The following TMEM229A variants were observed in gnomAD, a reference collection of about 807,000 sequenced individuals.
TMEM229A encodes the protein transmembrane protein 229A.
Under a neutral mutation model 30.0 loss-of-function variants are expected in TMEM229A, and 23 were observed. The ratio of observed to expected loss-of-function variants is 0.77; its 90% CI spans 0.55 to 1.09. The LOEUF (loss-of-function observed/expected upper bound fraction) is 1.09. Ranked by LOEUF, TMEM229A falls within the 50% of genes least tolerant of loss-of-function variation. The pLI is 0.00. For synonymous variants in TMEM229A, 264 were observed against 241.5 expected (o/e 1.09, Z -0.86); for missense variants, 534 against 525.9 (o/e 1.02, Z -0.15).
rs1793149864 is a variant in TMEM229A at position 124,032,470 on chromosome 7, C to T, written c.534G>A (p.Leu178=). The T allele has an allele frequency of 6.5e-7, 1 of 1,549,324 alleles. No homozygotes were observed. Among genetic ancestry groups the T allele is most frequent in the Non-Finnish European group, 8.7e-7 (1 of 1,146,568 alleles). The change falls in exon 1 of 1, where the codon CTG becomes CTA. Residue 178 remains leucine, a synonymous_variant. Transcript: ENST00000455783. This position sits in a 1 kb window ranked among gnomAD's most constrained non-coding sequence, Gnocchi z 6.6. ...YHCQVFLKRF[L]RLRYGRQRRR... is the part of the protein sequence containing the mutation. ...GCCTCTGTCGCCCGTACCGCAAGCG[C>T]AGGAAGCGCTTCAGGAACACTTGGC...
Position 124,032,560 on chromosome 7 carries a change from C to T in TMEM229A, c.444G>A (p.Ala148=), listed in dbSNP as rs1793151227. 2.6e-6 allele frequency: 4 copies of T among 1,549,288 alleles called. No homozygotes were observed. The highest frequency in any genetic ancestry group is 2.0e-5 in the Admixed American group (1 of 50,882). The part of the protein sequence containing the change: ...QALLLSLGGG[A]GVAVAPGALD... ...GCGCCCCTGGCGCCACCGCGACCCC[C>T]GCCCCGCCGCCCAGGCTGAGTAGTA... The change falls in exon 1 of 1, where the codon GCG becomes GCA. Residue 148 remains alanine, a synonymous_variant. Transcript: ENST00000455783. The surrounding 1 kb of genome is among the most constrained non-coding windows in gnomAD (Gnocchi z 6.6).
Position 124,032,327 on chromosome 7 carries a change from C to T in TMEM229A, c.677G>A (p.Gly226Asp), listed in dbSNP as rs748748380. 6.5e-7 allele frequency: 1 copy of T among 1,545,536 alleles called. No individual in the cohort carries two copies. The highest frequency in any genetic ancestry group is 1.2e-5 in the South Asian group (1 of 83,718). Reference sequence around the variant, plus strand: ...GGGGGCTCCCCCGGCGCCCCTGGGGCCACGGGGTCGTCGCCGCCGGGCTCC... The same window carrying T: ...GGGGGCTCCCCCGGCGCCCCTGGGGTCACGGGGTCGTCGCCGCCGGGCTCC... ...AAGARRRRPR[G>D]PRGAGGAPSQ... The change falls in exon 1 of 1, where the codon GGC becomes GAC. Residue 226 changes from glycine (G) to aspartate (D), a missense_variant. Gly to Asp is a moderately conservative substitution (Grantham distance 94). Coordinates refer to ENST00000455783, the MANE Select transcript of TMEM229A (RefSeq NM_001136002.2). This position sits in a 1 kb window ranked among gnomAD's most constrained non-coding sequence, Gnocchi z 6.6.
chr7:124,031,206 A>C lies in TMEM229A; in HGVS notation c.*655T>G, dbSNP rs1289066958. On this transcript the variant is annotated 3_prime_UTR_variant, in exon 1 of 1. Transcript: ENST00000455783. The surrounding 1 kb of genome is among the most constrained non-coding windows in gnomAD (Gnocchi z 4.1). The stretch of plus-strand genomic sequence containing the variant: ...AGATCAAATATCTTAACACAGTGTC[A>C]CCTGTGTGAGTTGCTAGAAAAGACC... 2 of 152,210 alleles carry C rather than the reference A, an allele frequency of 1.3e-5. No individual in the cohort carries two copies. Among genetic ancestry groups the C allele is most frequent in the Non-Finnish European group, 2.9e-5 (2 of 68,044 alleles). The allele number at this position is 152,210 out of a possible 1,614,324, so 9.4% of individuals were successfully genotyped here.
In TMEM229A at chr7:124,031,886, C is replaced by T; in HGVS notation, c.1118G>A (p.Arg373Lys). Reference sequence around the variant, plus strand: ...TTAGTTAGCTGGTACGTACTGCACCCTCCACAACACGTTGGAAATTAGGTC... The same window carrying T: ...TTAGTTAGCTGGTACGTACTGCACCTTCCACAACACGTTGGAAATTAGGTC... ...YQDLISNVLWRVQYVPAN is the reference protein window; with the variant it reads ...YQDLISNVLWKVQYVPAN Residue 373 changes from arginine to lysine, a missense_variant, in exon 1 of 1, where the codon AGG becomes AAG. Coordinates refer to ENST00000455783, the MANE Select transcript of TMEM229A (RefSeq NM_001136002.2). The surrounding 1 kb of genome is among the most constrained non-coding windows in gnomAD (Gnocchi z 4.1). 2 of 1,551,364 alleles carry T rather than the reference C, an allele frequency of 1.3e-6. No homozygotes were observed. The highest frequency in any genetic ancestry group is 2.4e-5 in the East Asian group (1 of 40,912).
chr7:124,032,633 A>G lies in TMEM229A; in HGVS notation c.371T>C (p.Leu124Pro). The G allele has an allele frequency of 6.4e-7, 1 of 1,551,136 alleles. No homozygotes were observed. Among genetic ancestry groups the G allele is most frequent in the Non-Finnish European group, 8.7e-7 (1 of 1,146,760 alleles). Reference protein sequence around the residue: ...CPNAFVFNFLLYPSAHVGLQT... With the variant: ...CPNAFVFNFLPYPSAHVGLQT... ...CAGCCCCACGTGGGCCGAGGGGTAGAGGAGGAAATTGAAGACGAAGGCGTT... is the reference window on the plus strand; with the variant it reads ...CAGCCCCACGTGGGCCGAGGGGTAGGGGAGGAAATTGAAGACGAAGGCGTT... Residue 124 changes from leucine to proline, a missense_variant, in exon 1 of 1, where the codon CTC becomes CCC. Transcript: ENST00000455783. This position sits in a 1 kb window ranked among gnomAD's most constrained non-coding sequence, Gnocchi z 6.6.
In TMEM229A at chr7:124,032,019, G is replaced by A. The variant is rs1008455249; in HGVS notation, c.985C>T (p.Arg329Cys). Residue 329 changes from arginine (R) to cysteine (C), a missense_variant, in exon 1 of 1, where the codon CGC (arginine) becomes TGC (cysteine). Arg to Cys is a radical substitution (Grantham distance 180, BLOSUM62 -3). Coordinates refer to ENST00000455783, the MANE Select transcript of TMEM229A (RefSeq NM_001136002.2). The surrounding 1 kb of genome is among the most constrained non-coding windows in gnomAD (Gnocchi z 6.6). ...TCCCAGGAACAAGCCCCGCACGTGC[G>A]GAGTCCCAGACCCCAGGACAGCTCC... ...VWELSWGLGL[R>C]TCGACSWDYS... 8.4e-6 allele frequency: 13 copies of A among 1,551,544 alleles called. No individual in the cohort carries two copies. In the Admixed American group the frequency reaches 1.2e-4, roughly 14 times the overall value.
chr7:124,032,937 C>T lies in TMEM229A; in HGVS notation c.67G>A (p.Ala23Thr). The T allele has an allele frequency of 2.2e-6, 3 of 1,345,088 alleles. No homozygotes were observed. The highest frequency in any genetic ancestry group is 1.5e-5 in the African/African-American group (1 of 64,896). 83.3% of individuals were successfully genotyped at this position (1,345,088 alleles called of 1,614,324 possible). ...GCCTCGCTTCCTGGCCCGCCAGGGG[C>T]CCCCGGACGCCGCGCCGCGCCGCCC... ...RRGGAARRPG[A>T]PGGPGSEAAA... The change falls in exon 1 of 1, where the codon GCC (alanine) becomes ACC (threonine). Residue 23 changes from alanine to threonine, a missense_variant. Physicochemically the swap from Ala to Thr is moderately conservative, Grantham distance 58. Coordinates refer to ENST00000455783, the MANE Select transcript of TMEM229A (RefSeq NM_001136002.2). The surrounding 1 kb of genome is among the most constrained non-coding windows in gnomAD (Gnocchi z 6.6).
Position 124,032,641 on chromosome 7 carries a change from A to C in TMEM229A, c.363T>G (p.Asn121Lys). 6.4e-7 allele frequency: 1 copy of C among 1,551,172 alleles called. No individual in the cohort carries two copies. Among genetic ancestry groups the C allele is most frequent in the African/African-American group, 1.4e-5 (1 of 73,100 alleles). Reference protein sequence around the residue: ...QRRCPNAFVFNFLLYPSAHVG... With the variant: ...QRRCPNAFVFKFLLYPSAHVG... ...CGTGGGCCGAGGGGTAGAGGAGGAAATTGAAGACGAAGGCGTTGGGACAGC... is the reference window on the plus strand; with the variant it reads ...CGTGGGCCGAGGGGTAGAGGAGGAACTTGAAGACGAAGGCGTTGGGACAGC... Residue 121 changes from asparagine to lysine, a missense_variant, in exon 1 of 1, where the codon AAT becomes AAG. Physicochemically the swap from Asn to Lys is moderately conservative, Grantham distance 94. Transcript: ENST00000455783. This position sits in a 1 kb window ranked among gnomAD's most constrained non-coding sequence, Gnocchi z 6.6.
chr7:124,032,289 G>A lies in TMEM229A; in HGVS notation c.715C>T (p.Pro239Ser), dbSNP rs1211465903. ...GAGGAPSQGL[P>S]DLPRFLFFGM... ...AAGAAAAGAAAGCGGGGTAGGTCGG[G>A]CAGCCCCTGGCTGGGGGCTCCCCCG... Residue 239 changes from proline (P) to serine (S), a missense_variant, in exon 1 of 1, where the codon CCC (proline) becomes TCC (serine). Coordinates refer to ENST00000455783, the MANE Select transcript of TMEM229A (RefSeq NM_001136002.2). This position sits in a 1 kb window ranked among gnomAD's most constrained non-coding sequence, Gnocchi z 6.6. 3 of 1,550,878 alleles carry A rather than the reference G, an allele frequency of 1.9e-6. No individual in the cohort carries two copies. The African/African-American group carries it at 4.1e-5, about 21-fold the overall frequency.
chr7:124,032,622 C>G lies in TMEM229A; in HGVS notation c.382G>C (p.Ala128Pro). 1 of 1,551,020 alleles carries G rather than the reference C, an allele frequency of 6.4e-7. No individual in the cohort carries two copies. Among genetic ancestry groups the G allele is most frequent in the Non-Finnish European group, 8.7e-7 (1 of 1,146,654 alleles). The change falls in exon 1 of 1, where the codon GCC (alanine) becomes CCC (proline). Residue 128 changes from alanine to proline, a missense_variant. By Grantham distance (27) the Ala-to-Pro change is conservative (BLOSUM62 -1). Coordinates refer to ENST00000455783, the MANE Select transcript of TMEM229A (RefSeq NM_001136002.2). This position sits in a 1 kb window ranked among gnomAD's most constrained non-coding sequence, Gnocchi z 6.6. ...FVFNFLLYPS[A>P]HVGLQTLAGQ... ...GCTAGGGTCTGCAGCCCCACGTGGG[C>G]CGAGGGGTAGAGGAGGAAATTGAAG...
Position 124,032,679 on chromosome 7 carries a change from G to A in TMEM229A, c.325C>T (p.Leu109=). 1 of 1,551,550 alleles carries A rather than the reference G, an allele frequency of 6.4e-7. No individual in the cohort carries two copies. The highest frequency in any genetic ancestry group is 1.4e-5 in the African/African-American group (1 of 73,174). The change falls in exon 1 of 1, where the codon CTG becomes TTG. Residue 109 remains leucine, a synonymous_variant. Transcript: ENST00000455783. This position sits in a 1 kb window ranked among gnomAD's most constrained non-coding sequence, Gnocchi z 6.6. ...GCGTTGGGACAGCGCCGCTGCTGCAGGTACACCTTCTCCAGGGCGAAATGG... is the reference window on the plus strand; with the variant it reads ...GCGTTGGGACAGCGCCGCTGCTGCAAGTACACCTTCTCCAGGGCGAAATGG... ...LTHFALEKVY[L]QQRRCPNAFV... is the part of the protein sequence containing the mutation.
rs754024714 is a variant in TMEM229A at position 124,031,894 on chromosome 7, C to A, written c.1110G>T (p.Val370=). The A allele has an allele frequency of 2.8e-5, 44 of 1,551,546 alleles. No homozygotes were observed. The highest frequency in any genetic ancestry group is 3.8e-5 in the Non-Finnish European group (44 of 1,146,938). Residue 370 remains valine (V), a synonymous_variant, in exon 1 of 1, where the codon GTG becomes GTT. Transcript: ENST00000455783. The surrounding 1 kb of genome is among the most constrained non-coding windows in gnomAD (Gnocchi z 4.1). ...CTGGTACGTACTGCACCCTCCACAACACGTTGGAAATTAGGTCCTGGTACA... is the reference window on the plus strand; with the variant it reads ...CTGGTACGTACTGCACCCTCCACAAAACGTTGGAAATTAGGTCCTGGTACA... ...LSVYQDLISN[V]LWRVQYVPAN
In TMEM229A at chr7:124,032,577, T is replaced by C; in HGVS notation, c.427A>G (p.Ser143Gly). Residue 143 changes from serine to glycine, a missense_variant, in exon 1 of 1, where the codon AGC (serine) becomes GGC (glycine). By Grantham distance (56) the Ser-to-Gly change is moderately conservative (BLOSUM62 0). Coordinates refer to ENST00000455783, the MANE Select transcript of TMEM229A (RefSeq NM_001136002.2). This position sits in a 1 kb window ranked among gnomAD's most constrained non-coding sequence, Gnocchi z 6.6. ...GCGACCCCCGCCCCGCCGCCCAGGC[T>C]GAGTAGTAGCGCCTGGCCCGCTAGG... ...QTLAGQALLL[S>G]LGGGAGVAVA... 6.5e-7 allele frequency: 1 copy of C among 1,549,390 alleles called. No homozygotes were observed. The highest frequency in any genetic ancestry group is 8.7e-7 in the Non-Finnish European group (1 of 1,145,864).
Position 124,031,463 on chromosome 7 carries a change from C to T in TMEM229A, c.*398G>A, listed in dbSNP as rs1262627964. ...ATTTAGCCAAATCTTGTAAAAATCACTGGTCTCTGATTTAAAGATCCCCCC... is the reference window on the plus strand; with the variant it reads ...ATTTAGCCAAATCTTGTAAAAATCATTGGTCTCTGATTTAAAGATCCCCCC... On this transcript the variant is annotated 3_prime_UTR_variant, in exon 1 of 1. Transcript: ENST00000455783. This position sits in a 1 kb window ranked among gnomAD's most constrained non-coding sequence, Gnocchi z 4.1. 1 of 154,646 alleles carries T rather than the reference C, an allele frequency of 6.5e-6. No individual in the cohort carries two copies. The highest frequency in any genetic ancestry group is 6.7e-5 in the Admixed American group (1 of 14,910). 9.6% of individuals were successfully genotyped at this position (154,646 alleles called of 1,614,324 possible). A position where few individuals can be genotyped will look rare whatever the true frequency, so the allele number is the denominator to read the frequency against.
Position 124,032,734 on chromosome 7 carries a change from CGAG to C in TMEM229A, c.267_269del (p.Ser90del), listed in dbSNP as rs1197785565. ...GCGAGTGCAGCAGGCAGCGGTAGGG[CGAG>C]GAGAAGCCTAGCATCCGCAGGTCCG... On this transcript the variant is annotated inframe_deletion, in exon 1 of 1. Coordinates refer to ENST00000455783, the MANE Select transcript of TMEM229A (RefSeq NM_001136002.2). This position sits in a 1 kb window ranked among gnomAD's most constrained non-coding sequence, Gnocchi z 6.6. The C allele has an allele frequency of 1.9e-6, 3 of 1,551,276 alleles. No homozygotes were observed. The highest frequency in any genetic ancestry group is 2.4e-5 in the East Asian group (1 of 40,882).
Position 124,032,674 on chromosome 7 carries a change from C to A in TMEM229A, c.330G>T (p.Gln110His). ...CGAAGGCGTTGGGACAGCGCCGCTG[C>A]TGCAGGTACACCTTCTCCAGGGCGA... is the stretch of plus-strand genomic sequence containing the variant. ...THFALEKVYL[Q>H]QRRCPNAFVF... is the part of the protein sequence containing the mutation. Residue 110 changes from glutamine to histidine, a missense_variant, in exon 1 of 1, where the codon CAG (glutamine) becomes CAT (histidine). Physicochemically the swap from Gln to His is conservative, Grantham distance 24 (BLOSUM62 0). Transcript: ENST00000455783. The surrounding 1 kb of genome is among the most constrained non-coding windows in gnomAD (Gnocchi z 6.6). 6.4e-7 allele frequency: 1 copy of A among 1,551,538 alleles called. No homozygotes were observed. The highest frequency in any genetic ancestry group is 8.7e-7 in the Non-Finnish European group (1 of 1,146,888).
rs1563050180 is a variant in TMEM229A at position 124,032,562 on chromosome 7, C to A, written c.442G>T (p.Ala148Ser). ...QALLLSLGGGAGVAVAPGALD... is the reference protein window; with the variant it reads ...QALLLSLGGGSGVAVAPGALD... ...GCCCCTGGCGCCACCGCGACCCCCG[C>A]CCCGCCGCCCAGGCTGAGTAGTAGC... The change falls in exon 1 of 1, where the codon GCG becomes TCG. Residue 148 changes from alanine (A) to serine (S), a missense_variant. Coordinates refer to ENST00000455783, the MANE Select transcript of TMEM229A (RefSeq NM_001136002.2). The surrounding 1 kb of genome is among the most constrained non-coding windows in gnomAD (Gnocchi z 6.6). 6.5e-7 allele frequency: 1 copy of A among 1,549,462 alleles called. No homozygotes were observed. The highest frequency in any genetic ancestry group is 8.7e-7 in the Non-Finnish European group (1 of 1,145,910).
In TMEM229A at chr7:124,032,648, A is replaced by G. The variant is rs1303224330; in HGVS notation, c.356T>C (p.Val119Ala). 5.8e-6 allele frequency: 9 copies of G among 1,551,158 alleles called. No individual in the cohort carries two copies. Among genetic ancestry groups the G allele is most frequent in the Non-Finnish European group, 7.8e-6 (9 of 1,146,736 alleles). ...CGAGGGGTAGAGGAGGAAATTGAAG[A>G]CGAAGGCGTTGGGACAGCGCCGCTG... Reference protein sequence around the residue: ...LQQRRCPNAFVFNFLLYPSAH... With the variant: ...LQQRRCPNAFAFNFLLYPSAH... The change falls in exon 1 of 1, where the codon GTC (valine) becomes GCC (alanine). Residue 119 changes from valine to alanine, a missense_variant. Coordinates refer to ENST00000455783, the MANE Select transcript of TMEM229A (RefSeq NM_001136002.2). The surrounding 1 kb of genome is among the most constrained non-coding windows in gnomAD (Gnocchi z 6.6).
Position 124,032,363 on chromosome 7 carries a change from G to C in TMEM229A, c.641C>G (p.Pro214Arg), listed in dbSNP as rs1009893684. ...ALPVPPGARV[P>R]TAAGARRRRP... is the part of the protein sequence containing the mutation. Reference sequence around the variant, plus strand: ...TCGCCGCCGGGCTCCGGCCGCAGTAGGGACCCGGGCGCCGGGAGGGACGGG... The same window carrying C: ...TCGCCGCCGGGCTCCGGCCGCAGTACGGACCCGGGCGCCGGGAGGGACGGG... Residue 214 changes from proline (P) to arginine (R), a missense_variant, in exon 1 of 1, where the codon CCT becomes CGT. Transcript: ENST00000455783. This position sits in a 1 kb window ranked among gnomAD's most constrained non-coding sequence, Gnocchi z 6.6. The C allele has an allele frequency of 6.5e-7, 1 of 1,541,864 alleles. No individual in the cohort carries two copies. The highest frequency in any genetic ancestry group is 1.4e-5 in the African/African-American group (1 of 72,312).
Sources: gnomAD v4.1 joint callset for allele counts on GRCh38, gnomAD v4.1.1 for gene constraint, Gnocchi (gnomAD v3.1) non-coding constraint, MANE v1.5 for transcripts, NCBI Gene and HGNC (gene_info 2026-07-23, HGNC 2026-07-21) for gene names.